WNK1: variants seen among roughly 807,000 people sequenced by gnomAD.
WNK1 encodes the protein serine/threonine-protein kinase WNK1.
In WNK1, 38 loss-of-function variants were observed where a neutral mutation model predicts 222.8. The observed-to-expected ratio is 0.17, with a 90% CI of 0.13 to 0.22. The LOEUF is 0.22. Among genes scored for constraint, WNK1 ranks in the 10% least tolerant of loss-of-function variants. The probability of loss-of-function intolerance (pLI) is 1.00; values close to 1 mark genes in which losing one functional copy is unlikely to be tolerated. For missense variants in WNK1, 2,348 were observed against 2,918.4 expected (o/e 0.80, Z 4.50); for synonymous variants, 1,090 against 1,092.9 (o/e 1.00, Z 0.05).
chr12:834,624 T>A (rs1021945078), intron 4 of WNK1, among the ~76,000 whole-genome samples: 1 of 152,182 alleles, frequency 6.6e-6, no homozygotes, highest in Non-Finnish European at 1.5e-5. Flanking sequence ...TGCCATACGA[T>A]CTTGAGCAAT....
rs1352340923 is a variant in WNK1, at chr12:753,391, C to A, written c.-175C>A. 2.5e-6 allele frequency: 2 copies of A among 815,780 alleles called. No individual in the cohort carries two copies. The highest frequency in any genetic ancestry group is 3.8e-6 in the Non-Finnish European group (2 of 529,174). The allele number at this position is 815,780 out of a possible 1,614,324, so 50.5% of individuals were successfully genotyped here. A position where few individuals can be genotyped will look rare whatever the true frequency, so the allele number is the denominator to read the frequency against. On this transcript the variant is annotated 5_prime_UTR_variant, in exon 1 of 28. Coordinates refer to ENST00000315939, the MANE Select transcript of WNK1 (RefSeq NM_018979.4). This position sits in a 1 kb window ranked among gnomAD's most constrained non-coding sequence, Gnocchi z 5.2. ...TGCCAGCCCCCGCCGCAGCTGGGCC[C>A]AGCGGTCCGCCTGTCCCTCGTTGCG...
chr12:850,035 C>T (rs1240157885), intron 4 of WNK1, among the ~76,000 whole-genome samples: 1 of 152,170 alleles, frequency 6.6e-6, no homozygotes, highest in Non-Finnish European at 1.5e-5. Flanking sequence ...CATACATGTG[C>T]ATGTGTCTTT....
At chr12:816,359 T>C (rs1037108738) in intron 2 of WNK1, among the ~76,000 whole-genome samples, 4 of 152,072 alleles carry the variant, frequency 2.6e-5, no homozygotes, top group African/African-American at 9.7e-5. Context: ...AGCCTCAAAC[T>C]CCTGGGCTCA....
rs1267484000 is a variant in WNK1 at position 763,333 on chromosome 12, C to G, written c.759+9009C>G. On this transcript the variant is annotated intron_variant, in intron 1 of 27. Coordinates refer to ENST00000315939, the MANE Select transcript of WNK1 (RefSeq NM_018979.4). ...GCGTGGTGGCTCACGCTTGTAATCCCAACACTTTGGGAGGCCGAGGTTAGT... is the reference window on the plus strand; with the variant it reads ...GCGTGGTGGCTCACGCTTGTAATCCGAACACTTTGGGAGGCCGAGGTTAGT... 4.1e-5 allele frequency among the ~76,000 whole-genome samples: 6 copies of G among 146,950 alleles called. 1 individual carries two copies. The highest frequency in any genetic ancestry group is 7.6e-5 in the Non-Finnish European group (5 of 65,844).
chr12:872,271 G>A lies in WNK1; in HGVS notation c.2223+923G>A, dbSNP rs900328258. On this transcript the variant is annotated intron_variant, in intron 9 of 27. Coordinates refer to ENST00000315939, the MANE Select transcript of WNK1 (RefSeq NM_018979.4). The stretch of plus-strand genomic sequence containing the variant: ...CGCCCGAGTAGCTGGGACTACAGGC[G>A]CGTGCCACTATGCCCAGCTAATTTT... Among the ~76,000 whole-genome samples the A allele has an allele frequency of 1.2e-4, 18 of 152,108 alleles. No individual in the cohort carries two copies. The East Asian group carries it at 2.3e-3, about 20-fold the overall frequency.
intron 1 of WNK1, among the ~76,000 whole-genome samples, chr12:790,127 C>A (rs1944695336): frequency 6.6e-6 from 1 of 152,168 alleles, no homozygotes; most frequent in South Asian, 2.1e-4. Context: ...AGTAGACTGC[C>A]AACAGTGCCT....
At chr12:792,651 G>A (rs1466798742) in intron 1 of WNK1, among the ~76,000 whole-genome samples, 1 of 151,954 alleles carries the variant, frequency 6.6e-6, no homozygotes, top group African/African-American at 2.4e-5. Flanking sequence ...CTTACAATGA[G>A]GAATACATTT....
At chr12:760,424 C>G (rs565858488) in intron 1 of WNK1, among the ~76,000 whole-genome samples, 1 of 147,788 alleles carries the variant, frequency 6.8e-6, no homozygotes. Context: ...GGAACTTAAT[C>G]TATAATGCTC....
At chr12:768,445 C>T (rs771157138) in intron 1 of WNK1, among the ~76,000 whole-genome samples, 6 of 151,852 alleles carry the variant, frequency 4.0e-5, no homozygotes, top group Non-Finnish European at 8.8e-5. Flanking sequence ...CTGCTTGTAT[C>T]GGTTTCTTTA....
At chr12:836,590 T>G (rs1264814356) in intron 4 of WNK1, among the ~76,000 whole-genome samples, 1 of 152,216 alleles carries the variant, frequency 6.6e-6, no homozygotes, top group Non-Finnish European at 1.5e-5. Flanking sequence ...AATCTGTGAT[T>G]GTGATATATT....
At chr12:840,812 T>C (rs1404818334) in intron 4 of WNK1, among the ~76,000 whole-genome samples, 1 of 152,254 alleles carries the variant, frequency 6.6e-6, no homozygotes, top group Non-Finnish European at 1.5e-5. Context: ...TCTGTATTTG[T>C]AAAGACATGA....
chr12:854,222 G>T (rs1442305168), intron 4 of WNK1, among the ~76,000 whole-genome samples: 5 of 151,710 alleles, frequency 3.3e-5, no homozygotes, highest in African/African-American at 1.2e-4. Flanking sequence ...CAAAAAATTA[G>T]CTGGGCATGG....
chr12:787,259 A>G (rs1433885175), intron 1 of WNK1, among the ~76,000 whole-genome samples: 1 of 152,178 alleles, frequency 6.6e-6, no homozygotes, highest in Non-Finnish European at 1.5e-5. Context: ...TGGCTTTGCC[A>G]CTTTTTTATT....
At chr12:757,761 G>C (rs780473490) in intron 1 of WNK1, among the ~76,000 whole-genome samples, 1 of 147,088 alleles carries the variant, frequency 6.8e-6, no homozygotes, top group Admixed American at 6.7e-5. Flanking sequence ...GATGGAGCCG[G>C]GTGCGGTGGC....
At position 809,071 on chromosome 12, in the gene WNK1, T is replaced by G. The variant is rs1946661746; in HGVS notation, c.760-4571T>G. 2.0e-5 allele frequency among the ~76,000 whole-genome samples: 3 copies of G among 151,976 alleles called. 1 individual carries two copies. The South Asian group carries it at 6.2e-4, about 32-fold the overall frequency. On this transcript the variant is annotated intron_variant, in intron 1 of 27. Transcript: ENST00000315939. ...GAGCCACCGCACCTGGCCTCCTATC[T>G]CTCTTATAAGTAGACTTTTCTTCTT...
intron 1 of WNK1, among the ~76,000 whole-genome samples, chr12:788,239 C>T (rs1232505934): frequency 6.6e-6 from 1 of 151,830 alleles, no homozygotes; most frequent in African/African-American, 2.4e-5. Context: ...AATACTGTGG[C>T]AAAATTGTAA....
chr12:779,741 C>G (rs1191731884), intron 1 of WNK1, among the ~76,000 whole-genome samples: 1 of 152,136 alleles, frequency 6.6e-6, no homozygotes, highest in South Asian at 2.1e-4. Flanking sequence ...TCACATACAG[C>G]CGTGTGAATT....
intron 3 of WNK1, among the ~76,000 whole-genome samples, chr12:828,831 G>A (rs1948574084): frequency 6.6e-6 from 1 of 152,044 alleles, no homozygotes; most frequent in African/African-American, 2.4e-5. Flanking sequence ...CCCTCCAAAA[G>A]GTGACAATAA....
intron 1 of WNK1, among the ~76,000 whole-genome samples, chr12:769,805 A>G (rs1942252736): frequency 6.6e-6 from 1 of 152,202 alleles, no homozygotes; most frequent in East Asian, 1.9e-4. Flanking sequence ...CTAGAAGTCC[A>G]GGCAAGACAG....
Sources: allele counts gnomAD v4.1 joint callset (sites outside exome capture counted in the v4.1 genomes callset), GRCh38; gene constraint gnomAD v4.1.1; non-coding constraint Gnocchi (gnomAD v3.1); transcripts MANE v1.5; gene names NCBI Gene and HGNC (gene_info 2026-07-23, HGNC 2026-07-21).